MAPT: variants seen among roughly 807,000 people sequenced by gnomAD.
MAPT encodes the protein microtubule associated protein tau.
Under a neutral mutation model 67.9 loss-of-function variants are expected in MAPT, and 34 were observed. That is an observed-to-expected ratio of 0.50 (90% CI 0.38 to 0.67). The LOEUF (loss-of-function observed/expected upper bound fraction) is 0.67, where lower values mean the gene tolerates loss of function less well. MAPT is among the 30% of genes least tolerant of loss of function. The pLI is 0.00. For synonymous variants in MAPT, 456 were observed against 464.5 expected, an observed-to-expected ratio of 0.98 and a Z score of 0.23; for missense variants, 881 against 1,115.2, an observed-to-expected ratio of 0.79 and a Z score of 2.99.
rs2076710914 is a variant in MAPT at position 46,024,262 on chromosome 17, C to T, written c.*91C>T. On this transcript the variant is annotated 3_prime_UTR_variant, in exon 13 of 13. Transcript: ENST00000262410. ...ATAATGACCCGGCCCCCGCCCTCTG[C>T]CCCCAGCTGCTCCTCGCAGTTCGGT... The T allele has an allele frequency of 7.0e-6, 8 of 1,141,516 alleles. No homozygotes were observed. Among genetic ancestry groups the T allele is most frequent in the East Asian group, 2.5e-5 (1 of 40,036 alleles). 70.7% of individuals were successfully genotyped at this position (1,141,516 alleles called of 1,614,324 possible). A position where few individuals can be genotyped will look rare whatever the true frequency, so the allele number is the denominator to read the frequency against.
At chr17:45,972,604 C>T (rs2071831214) in intron 3 of MAPT, among the ~76,000 whole-genome samples, 1 of 152,216 alleles carries the variant, frequency 6.6e-6, no homozygotes, top group African/African-American at 2.4e-5. Context: ...TTACTTTTCT[C>T]ACATAATCAG....
intron 3 of MAPT, chr17:45,974,906 CCA>C (rs2145517440): frequency 4.9e-6 from 1 of 202,508 alleles, no homozygotes; most frequent in East Asian, 1.3e-4. Context: ...GATGACTGGA[CCA>C]CACCTTTTGG....
intron 1 of MAPT, among the ~76,000 whole-genome samples, chr17:45,927,761 G>C (rs577158292): frequency 1.3e-5 from 2 of 152,168 alleles, no homozygotes; most frequent in South Asian, 4.2e-4. Context: ...AGCACTTTGG[G>C]AGGCCAAGGT....
chr17:45,970,130 A>G (rs1231260717), intron 2 of MAPT, among the ~76,000 whole-genome samples: 1 of 152,086 alleles, frequency 6.6e-6, no homozygotes, highest in East Asian at 1.9e-4. Flanking sequence ...CCATCCAGTC[A>G]TATATCCAAT....
chr17:45,908,297 C>T (rs2064476404), intron 1 of MAPT: 1 of 152,196 alleles, frequency 6.6e-6, no homozygotes, highest in South Asian at 2.1e-4. Flanking sequence ...CCGGAGGGGT[C>T]CATGTGGCTA....
At chr17:45,903,714 C>CAAA in intron 1 of MAPT, among the ~76,000 whole-genome samples, 1 of 37,108 alleles carries the variant, frequency 2.7e-5, no homozygotes, top group Non-Finnish European at 5.2e-5. Flanking sequence ...GACTTCTTCT[C>CAAA]AAAAAAAAAA....
intron 1 of MAPT, among the ~76,000 whole-genome samples, chr17:45,903,839 T>TTTTTATATATAATATATTATATA (rs1555673591): frequency 1.1e-4 from 2 of 18,028 alleles, no homozygotes; most frequent in Admixed American, 1.2e-3. Flanking sequence ...ATATTATATA[T>TTTTTATATATAATATATTATATA]TTTATATATT....
intron 1 of MAPT, among the ~76,000 whole-genome samples, chr17:45,946,331 G>C (rs559499851): frequency 7.4e-4 from 112 of 152,180 alleles, no homozygotes; most frequent in African/African-American, 2.6e-3. Flanking sequence ...GCCAGGCACG[G>C]TGGCTCACAC....
rs182430010 is a variant in MAPT at position 45,966,793 on chromosome 17, A to G, written c.133+4323A>G. On this transcript the variant is annotated intron_variant, in intron 2 of 12. Transcript: ENST00000262410. Reference sequence around the variant, plus strand: ...TCTATGCCAAAACATATGTGTGTGTATATATATATGCACTATATATACTGT... The same window carrying G: ...TCTATGCCAAAACATATGTGTGTGTGTATATATATGCACTATATATACTGT... Among the ~76,000 whole-genome samples the G allele has an allele frequency of 9.2e-5, 14 of 152,234 alleles. No individual in the cohort carries two copies. The East Asian group carries it at 1.2e-3, about 13-fold the overall frequency.
chr17:45,984,101 C>A (rs1003107972), intron 5 of MAPT, among the ~76,000 whole-genome samples, 171 bp downstream of exon 5: 2 of 152,192 alleles, frequency 1.3e-5, no homozygotes. Context: ...GGCCTCCTCC[C>A]GTGCTCAGGC....
chr17:45,922,486 A>AACACACACAC (rs59017604), intron 1 of MAPT, among the ~76,000 whole-genome samples: 5,090 of 146,576 alleles, frequency 0.035, 314 homozygotes, highest in African/African-American at 0.12. Flanking sequence ...CTAGCTAGAG[A>AACACACACAC]ACACACACAC....
intron 9 of MAPT, among the ~76,000 whole-genome samples, chr17:45,998,388 G>A (rs937998346): frequency 7.9e-5 from 12 of 152,188 alleles, no homozygotes; most frequent in African/African-American, 1.9e-4. Context: ...GAGTCCCTGC[G>A]TGCCAGGCGG....
intron 7 of MAPT, among the ~76,000 whole-genome samples, chr17:45,990,937 C>T (rs190102893): frequency 6.6e-6 from 1 of 152,314 alleles, no homozygotes; most frequent in African/African-American, 2.4e-5. Flanking sequence ...GGTCTGAGCA[C>T]ACCCAAGGAG....
chr17:45,996,959 C>T lies in MAPT; in HGVS notation c.1998+295C>T, dbSNP rs907679999. On this transcript the variant is annotated intron_variant, in intron 9 of 12. Transcript: ENST00000262410. This position sits in a 1 kb window ranked among gnomAD's most constrained non-coding sequence, Gnocchi z 4.5. ...TCTTGCCCCTTCAGCCCCTGTTAAT[C>T]GGACAGAGATGGCAGGGCTGTGTCT... Among the ~76,000 whole-genome samples the T allele has an allele frequency of 6.6e-6, 1 of 152,186 alleles. No individual in the cohort carries two copies. Among genetic ancestry groups the T allele is most frequent in the African/African-American group, 2.4e-5 (1 of 41,444 alleles).
intron 3 of MAPT, chr17:45,974,306 C>T: frequency 9.7e-7 from 1 of 1,033,656 alleles, no homozygotes; most frequent in Non-Finnish European, 1.5e-6. Flanking sequence ...CCCTGCATTG[C>T]TCCTGCGCAA....
rs565753711 is a variant in MAPT at position 45,996,332 on chromosome 17, A to G, written c.1733-67A>G. ...CTGGGAATGGACCCACGGGACAGGC[A>G]GCCCCCAGGGCCTTTTCTGACCCCA... On this transcript the variant is annotated intron_variant, in intron 8 of 12. Coordinates refer to ENST00000262410, the MANE Select transcript of MAPT (RefSeq NM_001377265.1). This position sits in a 1 kb window ranked among gnomAD's most constrained non-coding sequence, Gnocchi z 4.5. 119 of 1,568,304 alleles carry G rather than the reference A, an allele frequency of 7.6e-5. No homozygotes were observed. The African/African-American group carries it at 1.6e-3, about 21-fold the overall frequency.
At position 45,971,156 on chromosome 17, in the gene MAPT, A is replaced by G. The variant is rs1340057837; in HGVS notation, c.134-703A>G. On this transcript the variant is annotated intron_variant, in intron 2 of 12. Transcript: ENST00000262410. This position sits in a 1 kb window ranked among gnomAD's most constrained non-coding sequence, Gnocchi z 4.3. ...AGGAGGAGGTAGTTTTCTCATTTCTATTAAGGCAACAAAAGCTGCCTTACT... is the reference window on the plus strand; with the variant it reads ...AGGAGGAGGTAGTTTTCTCATTTCTGTTAAGGCAACAAAAGCTGCCTTACT... 1.3e-5 allele frequency among the ~76,000 whole-genome samples: 2 copies of G among 152,124 alleles called. No homozygotes were observed. Among genetic ancestry groups the G allele is most frequent in the Admixed American group, 6.5e-5 (1 of 15,274 alleles).
chr17:46,016,432 T>C (rs2076184118), intron 11 of MAPT, among the ~76,000 whole-genome samples: 1 of 151,006 alleles, frequency 6.6e-6, no homozygotes, highest in African/African-American at 2.4e-5. Context: ...AAAGTGATCC[T>C]ACTGGAACCA....
chr17:45,898,321 G>T (rs995844450), intron 1 of MAPT: 7 of 152,216 alleles, frequency 4.6e-5, no homozygotes, highest in African/African-American at 1.7e-4. Flanking sequence ...CTAATATCAG[G>T]CATTGCTCCT....
Sources: gnomAD v4.1 joint callset for allele counts (sites outside exome capture counted in the v4.1 genomes callset) on GRCh38, gnomAD v4.1.1 for gene constraint, Gnocchi (gnomAD v3.1) non-coding constraint, MANE v1.5 for transcripts, NCBI Gene and HGNC (gene_info 2026-07-23, HGNC 2026-07-21) for gene names.